Variants in GPM6A observed in about 807,000 individuals in gnomAD.
GPM6A encodes the protein neuronal membrane glycoprotein M6-a.
A neutral mutation model predicts 32.1 loss-of-function variants in GPM6A; 7 were observed. The observed-to-expected ratio is 0.22, with a 90% CI of 0.12 to 0.41. The LOEUF (loss-of-function observed/expected upper bound fraction) is 0.41, where lower values mean the gene tolerates loss of function less well. Ranked by LOEUF, GPM6A falls within the 10% of genes least tolerant of loss-of-function variation. The probability of loss-of-function intolerance (pLI) is 1.00; values close to 1 mark genes in which losing one functional copy is unlikely to be tolerated. For synonymous variants in GPM6A, 130 were observed against 123.4 expected (o/e 1.05, Z -0.35); for missense variants, 235 against 347.2 (o/e 0.68, Z 2.57).
chr4:175,947,025 G>T (rs1739631084), intron 1 of GPM6A, among the ~76,000 whole-genome samples: 1 of 152,166 alleles, frequency 6.6e-6, no homozygotes, highest in South Asian at 2.1e-4. Context: ...AGGATGAAAT[G>T]AAGTGTGTGT....
At chr4:175,657,630 G>T (rs1742162078) in intron 3 of GPM6A, among the ~76,000 whole-genome samples, 1 of 152,126 alleles carries the variant, frequency 6.6e-6, no homozygotes. Flanking sequence ...ATGAATGAGT[G>T]GGGTACCGGA....
chr4:175,775,231 T>C (rs1001799105), intron 1 of GPM6A, among the ~76,000 whole-genome samples: 1 of 152,068 alleles, frequency 6.6e-6, no homozygotes, highest in Non-Finnish European at 1.5e-5. Context: ...ATAAACAATT[T>C]TAACCTAATA....
intron 1 of GPM6A, among the ~76,000 whole-genome samples, chr4:175,795,017 G>A (rs989217416): frequency 2.6e-5 from 4 of 152,200 alleles, no homozygotes; most frequent in Non-Finnish European, 4.4e-5. Context: ...AACCTCAATA[G>A]CTTAAGGAAA....
intron 3 of GPM6A, among the ~76,000 whole-genome samples, chr4:175,666,919 C>A (rs1277903089): frequency 1.3e-5 from 2 of 152,172 alleles, no homozygotes; most frequent in Non-Finnish European, 2.9e-5. Flanking sequence ...CCTAAACCTG[C>A]AGATGCCTTC....
At chr4:175,786,210 A>G (rs1560932240) in intron 1 of GPM6A, among the ~76,000 whole-genome samples, 1 of 152,060 alleles carries the variant, frequency 6.6e-6, no homozygotes, top group Non-Finnish European at 1.5e-5. Flanking sequence ...TACAAACACC[A>G]TGAATTGAGA....
intron 1 of GPM6A, among the ~76,000 whole-genome samples, chr4:175,869,408 C>A: frequency 6.6e-6 from 1 of 151,886 alleles, no homozygotes; most frequent in Non-Finnish European, 1.5e-5. Flanking sequence ...AGCACATATA[C>A]CCAGGAAGTA....
chr4:175,861,425 T>A (rs1560968858), intron 1 of GPM6A, among the ~76,000 whole-genome samples: 1 of 151,526 alleles, frequency 6.6e-6, no homozygotes, highest in Non-Finnish European at 1.5e-5. Flanking sequence ...TCAATAATTT[T>A]AATTCAAACT....
chr4:175,973,874 T>TC (rs1333348285), intron 1 of GPM6A, among the ~76,000 whole-genome samples: 5 of 152,370 alleles, frequency 3.3e-5, no homozygotes, highest in African/African-American at 1.2e-4. Context: ...GACTTTTTTT[T>TC]CACCAGCTTT....
chr4:175,703,116 G>C (rs1166298375), intron 1 of GPM6A, among the ~76,000 whole-genome samples: 3 of 152,152 alleles, frequency 2.0e-5, no homozygotes, highest in Non-Finnish European at 2.9e-5. Context: ...GCTTGACATA[G>C]AGTAACTACT....
intron 1 of GPM6A, among the ~76,000 whole-genome samples, chr4:175,818,023 C>T (rs1270963885): frequency 6.6e-6 from 1 of 152,182 alleles, no homozygotes; most frequent in East Asian, 1.9e-4. Context: ...CTTACCAAGA[C>T]CTTTCCTCTC....
chr4:175,951,560 T>C (rs1054368720), intron 1 of GPM6A, among the ~76,000 whole-genome samples: 2 of 152,192 alleles, frequency 1.3e-5, no homozygotes, highest in African/African-American at 4.8e-5. Context: ...ACCATCTACC[T>C]TGAAAGGCTG....
At chr4:175,766,188 A>G (rs1468681943) in intron 1 of GPM6A, among the ~76,000 whole-genome samples, 2 of 152,334 alleles carry the variant, frequency 1.3e-5, no homozygotes, top group Middle Eastern at 6.8e-3. Context: ...CACTTAAGTC[A>G]ATGTTATTCT....
intron 3 of GPM6A, among the ~76,000 whole-genome samples, chr4:175,661,262 C>T (rs750419467): frequency 1.3e-5 from 2 of 151,820 alleles, no homozygotes; most frequent in Admixed American, 6.6e-5. Context: ...GGCGAAACCC[C>T]GTCTCTACTA....
chr4:175,899,755 G>C (rs1040673809), intron 1 of GPM6A, among the ~76,000 whole-genome samples: 2 of 149,088 alleles, frequency 1.3e-5, no homozygotes, highest in African/African-American at 4.9e-5. Flanking sequence ...TAAAACCTCC[G>C]ACAATGAATC....
chr4:175,684,450 A>C (rs1011930592), intron 2 of GPM6A, among the ~76,000 whole-genome samples: 1 of 152,214 alleles, frequency 6.6e-6, no homozygotes, highest in African/African-American at 2.4e-5. Context: ...TAGACATTGG[A>C]TCAATTTACC....
intron 1 of GPM6A, among the ~76,000 whole-genome samples, chr4:175,922,481 C>G (rs1738700479): frequency 6.6e-6 from 1 of 152,142 alleles, no homozygotes; most frequent in Admixed American, 6.6e-5. Context: ...TTACCTTATT[C>G]TTGTATGTAG....
intron 3 of GPM6A, among the ~76,000 whole-genome samples, chr4:175,669,836 A>G (rs561024224): frequency 6.6e-6 from 1 of 152,080 alleles, no homozygotes; most frequent in Non-Finnish European, 1.5e-5. Context: ...CTGTCCTTAT[A>G]AAAAAAGGGG....
At chr4:175,831,927 C>CAGGTTGGT (rs1735628826) in intron 1 of GPM6A, among the ~76,000 whole-genome samples, 1 of 151,826 alleles carries the variant, frequency 6.6e-6, no homozygotes, top group East Asian at 1.9e-4. Flanking sequence ...CCACGTTGAC[C>CAGGTTGGT]AGGTTGGTCT....
At chr4:175,971,994 G>C (rs2126424308) in intron 1 of GPM6A, 1 of 152,190 alleles carries the variant, frequency 6.6e-6, no homozygotes, top group Non-Finnish European at 1.5e-5. Flanking sequence ...TGTTCTCCGC[G>C]GTTGTCTACT....
Sources: gnomAD v4.1 joint callset for allele counts (sites outside exome capture counted in the v4.1 genomes callset) on GRCh38, gnomAD v4.1.1 for gene constraint, MANE v1.5 for transcripts, NCBI Gene and HGNC (gene_info 2026-07-23, HGNC 2026-07-21) for gene names.